Variants in XPO7 observed in about 807,000 individuals in gnomAD.
The protein encoded by XPO7 is exportin 7.
XPO7 carries 21 observed loss-of-function variants against 144.3 expected under a neutral mutation model. That is an observed-to-expected ratio of 0.15 (90% CI 0.10 to 0.21). The LOEUF (loss-of-function observed/expected upper bound fraction) is 0.21, where lower values mean the gene tolerates loss of function less well. Among genes scored for constraint, XPO7 ranks in the 10% least tolerant of loss-of-function variants. XPO7 has a pLI of 1.00. For missense variants in XPO7, 808 were observed against 1,325.8 expected (o/e 0.61, Z 6.06); for synonymous variants, 580 against 499.6 (o/e 1.16, Z -2.15).
intron 24 of XPO7, among the ~76,000 whole-genome samples, chr8:22,001,819 A>C (rs1038955692): frequency 1.3e-5 from 2 of 152,238 alleles, no homozygotes; most frequent in Admixed American, 1.3e-4. Flanking sequence ...GGCACAAAAG[A>C]AGCACTTGCT....
At chr8:21,994,310 G>T in intron 19 of XPO7, 53 bp from the exon 20 acceptor site, 1 of 1,372,320 alleles carries the variant, frequency 7.3e-7, no homozygotes, top group South Asian at 1.2e-5. Context: ...TCATCAGATT[G>T]TTACAGTTTT....
intron 1 of XPO7, among the ~76,000 whole-genome samples, chr8:21,957,286 A>G (rs1811568143): frequency 6.6e-6 from 1 of 152,140 alleles, no homozygotes; most frequent in South Asian, 2.1e-4. Context: ...AGAGAGGGAC[A>G]GTTACTGAGA....
In XPO7 at chr8:21,990,841, A is replaced by G; in HGVS notation, c.1963A>G (p.Asn655Asp). 2 of 1,613,970 alleles carry G rather than the reference A, an allele frequency of 1.2e-6. No individual in the cohort carries two copies. The highest frequency in any genetic ancestry group is 1.7e-6 in the Non-Finnish European group (2 of 1,179,880). The change falls in exon 18 of 28, where the codon AAT becomes GAT. Residue 655 changes from asparagine to aspartate, a missense_variant. Asn to Asp is a conservative substitution (Grantham distance 23). Transcript: ENST00000252512. ...SEHFSFLGIN[N>D]QSNLTDMRCR... The stretch of plus-strand genomic sequence containing the variant: ...GCACTTTTCATTTTTGGGTATTAAC[A>G]ATCAGTCCAACCTGACAGACATGCG...
chr8:21,986,499 C>A (rs1050520846), intron 13 of XPO7, among the ~76,000 whole-genome samples: 6 of 152,136 alleles, frequency 3.9e-5, no homozygotes, highest in African/African-American at 1.4e-4. Flanking sequence ...TCTTTCCACC[C>A]CCATTTTGTT....
chr8:21,996,895 G>A (rs766326126), intron 21 of XPO7, among the ~76,000 whole-genome samples: 18 of 152,070 alleles, frequency 1.2e-4, no homozygotes, highest in Non-Finnish European at 2.4e-4. Context: ...GCAACTTAAC[G>A]CCTCCTGGGT....
intron 1 of XPO7, among the ~76,000 whole-genome samples, chr8:21,945,709 A>G (rs886590281): frequency 6.6e-6 from 1 of 152,208 alleles, no homozygotes; most frequent in Admixed American, 6.5e-5. Flanking sequence ...TAAGAATTCC[A>G]TTTCCTTTTG....
intron 1 of XPO7, among the ~76,000 whole-genome samples, chr8:21,964,723 C>T (rs766926549): frequency 6.6e-6 from 1 of 152,102 alleles, no homozygotes; most frequent in Non-Finnish European, 1.5e-5. Flanking sequence ...ACCAGACTTA[C>T]CCTGCAGTAT....
intron 22 of XPO7, 26 bp downstream of exon 22, chr8:21,998,863 C>G (rs1423467281): frequency 1.2e-6 from 2 of 1,611,220 alleles, no homozygotes; most frequent in Non-Finnish European, 8.5e-7. Context: ...AATCATGCCT[C>G]TAGAAGTTAA....
At chr8:21,939,001 TAAC>T (rs1285399627) in intron 1 of XPO7, among the ~76,000 whole-genome samples, 3 of 152,202 alleles carry the variant, frequency 2.0e-5, no homozygotes, top group African/African-American at 7.2e-5. Flanking sequence ...TCTCATTTGG[TAAC>T]AACAAGATTT....
At chr8:21,952,543 A>G (rs1279341876) in intron 1 of XPO7, among the ~76,000 whole-genome samples, 1 of 152,270 alleles carries the variant, frequency 6.6e-6, no homozygotes, top group Non-Finnish European at 1.5e-5. Context: ...GAAAAGTAAC[A>G]GTAGGTTATT....
At chr8:21,947,390 A>T (rs1811226714) in intron 1 of XPO7, among the ~76,000 whole-genome samples, 1 of 152,210 alleles carries the variant, frequency 6.6e-6, no homozygotes, top group Non-Finnish European at 1.5e-5. Context: ...TAGAACAAAT[A>T]CAACATAAAG....
chr8:21,939,110 TCTA>T (rs1287277191), intron 1 of XPO7, among the ~76,000 whole-genome samples: 1 of 152,244 alleles, frequency 6.6e-6, no homozygotes, highest in Non-Finnish European at 1.5e-5. Flanking sequence ...TTTTAGCTCT[TCTA>T]TTCTTATTTT....
At chr8:21,995,241 A>C (rs182844302) in intron 20 of XPO7, among the ~76,000 whole-genome samples, 2 of 152,258 alleles carry the variant, frequency 1.3e-5, no homozygotes, top group Non-Finnish European at 2.9e-5. Context: ...TAACAGTATG[A>C]AATACATCAT....
chr8:21,942,017 T>A (rs1442905227), intron 1 of XPO7, among the ~76,000 whole-genome samples: 1 of 152,200 alleles, frequency 6.6e-6, no homozygotes, highest in African/African-American at 2.4e-5. Flanking sequence ...AAGTCGGTAA[T>A]GGTTACTTAA....
intron 1 of XPO7, among the ~76,000 whole-genome samples, chr8:21,954,970 G>A (rs1031690546): frequency 1.3e-5 from 2 of 152,166 alleles, no homozygotes; most frequent in Non-Finnish European, 2.9e-5. Context: ...GGAGTACTGA[G>A]CTATTACAGG....
chr8:21,982,899 A>G lies in XPO7; in HGVS notation c.1277+87A>G, dbSNP rs146648248. On this transcript the variant is annotated intron_variant, in intron 11 of 27. Coordinates refer to ENST00000252512, the MANE Select transcript of XPO7 (RefSeq NM_015024.5). Reference sequence around the variant, plus strand: ...TCAGACACCCCATTGGCAAAGAGGTACTCGAAGCGTGTCTCATTGGAGCCA... The same window carrying G: ...TCAGACACCCCATTGGCAAAGAGGTGCTCGAAGCGTGTCTCATTGGAGCCA... 5,311 of 1,463,706 alleles carry G rather than the reference A, an allele frequency of 3.6e-3. 42 individuals are homozygous for G. Among genetic ancestry groups the G allele is most frequent in the South Asian group, 0.025 (1,749 of 71,316 alleles). 90.7% of individuals were successfully genotyped at this position (1,463,706 alleles called of 1,614,324 possible). A position where few individuals can be genotyped will look rare whatever the true frequency, so the allele number is the denominator to read the frequency against.
intron 1 of XPO7, chr8:21,966,430 A>G: frequency 3.0e-6 from 2 of 657,494 alleles, no homozygotes; most frequent in South Asian, 3.5e-5. Flanking sequence ...TTAAAGCTAT[A>G]TGAAAATGTG....
rs1035775039 is a variant in XPO7 at position 22,005,999 on chromosome 8, G to A, written c.*911G>A. 1 of 152,230 alleles carries A rather than the reference G, an allele frequency of 6.6e-6. No individual in the cohort carries two copies. Among genetic ancestry groups the A allele is most frequent in the African/African-American group, 2.4e-5 (1 of 41,450 alleles). 9.4% of individuals were successfully genotyped at this position (152,230 alleles called of 1,614,324 possible). A position where few individuals can be genotyped will look rare whatever the true frequency, so the allele number is the denominator to read the frequency against. On this transcript the variant is annotated 3_prime_UTR_variant, in exon 28 of 28. Coordinates refer to ENST00000252512, the MANE Select transcript of XPO7 (RefSeq NM_015024.5). ...AGGAAGTGAGCCCACTGCTCTCCTG[G>A]GAGCAATGTGGGTGAGTCCACCAGA... is the stretch of plus-strand genomic sequence containing the variant.
rs892523809 is a variant in XPO7 at position 21,984,738 on chromosome 8, C to T, written c.1370C>T (p.Thr457Met). Residue 457 changes from threonine to methionine, a missense_variant, in exon 12 of 28, where the codon ACG (threonine) becomes ATG (methionine). Coordinates refer to ENST00000252512, the MANE Select transcript of XPO7 (RefSeq NM_015024.5). ...STIGRCEYEK[T>M]CALLVQLFDQ... is the part of the protein sequence containing the mutation. Reference sequence around the variant, plus strand: ...ATTGGGCGTTGTGAATATGAGAAGACGTGTGCACTCCTCGTGCAGTTGTTT... The same window carrying T: ...ATTGGGCGTTGTGAATATGAGAAGATGTGTGCACTCCTCGTGCAGTTGTTT... The T allele has an allele frequency of 1.2e-6, 2 of 1,613,976 alleles. No homozygotes were observed. The highest frequency in any genetic ancestry group is 1.3e-5 in the African/African-American group (1 of 75,044).
Sources: gnomAD v4.1 joint callset for allele counts (sites outside exome capture counted in the v4.1 genomes callset) on GRCh38, gnomAD v4.1.1 for gene constraint, MANE v1.5 for transcripts, NCBI Gene and HGNC (gene_info 2026-07-23, HGNC 2026-07-21) for gene names.